IPO11: variants seen among roughly 807,000 people sequenced by gnomAD.
IPO11 encodes the protein importin-11.
IPO11 carries 66 observed loss-of-function variants against 143.2 expected under a neutral mutation model. The ratio of observed to expected loss-of-function variants is 0.46; its 90% confidence interval spans 0.38 to 0.57. The LOEUF (loss-of-function observed/expected upper bound fraction) is 0.57, where lower values mean the gene tolerates loss of function less well. Among genes scored for constraint, IPO11 ranks in the 20% least tolerant of loss-of-function variants. IPO11 has a pLI of 0.00. For synonymous variants in IPO11, 385 were observed against 377.8 expected (o/e 1.02, Z -0.22); for missense variants, 1,026 against 1,141.0 (o/e 0.90, Z 1.45).
intron 1 of IPO11, among the ~76,000 whole-genome samples, chr5:62,419,892 T>A (rs1414107238): frequency 6.6e-6 from 1 of 152,094 alleles, no homozygotes; most frequent in African/African-American, 2.4e-5. Flanking sequence ...TCTCAACTAT[T>A]CAGGAGGCTG....
intron 11 of IPO11, among the ~76,000 whole-genome samples, chr5:62,485,007 T>C (rs1370050437): frequency 6.6e-6 from 1 of 152,080 alleles, no homozygotes; most frequent in Non-Finnish European, 1.5e-5. Flanking sequence ...AGCCCTGAAG[T>C]ATTTTTCTTT....
At position 62,450,228 on chromosome 5, in the gene IPO11, G is replaced by A. The variant is rs115366405; in HGVS notation, c.312+229G>A. On this transcript the variant is annotated intron_variant, in intron 4 of 29. Coordinates refer to ENST00000325324, the MANE Select transcript of IPO11 (RefSeq NM_016338.5). ...AAGTCATTTTAAGGTATATTTGTAT[G>A]CTTTTCAGCTTTCTCATTTTATGAG... 9.1e-3 allele frequency among the ~76,000 whole-genome samples: 1,392 copies of A among 152,164 alleles called. 20 individuals are homozygous for A. The highest frequency in any genetic ancestry group is 0.032 in the African/African-American group (1,312 of 41,514).
intron 27 of IPO11, among the ~76,000 whole-genome samples, chr5:62,575,080 GTTTTTA>G (rs1451997145): frequency 1.3e-5 from 2 of 152,148 alleles, no homozygotes; most frequent in South Asian, 2.1e-4. Context: ...ATTTGTTTCT[GTTTTTA>G]TTTTAAAGCA....
chr5:62,612,087 T>C (rs1441227941), intron 29 of IPO11, among the ~76,000 whole-genome samples: 4 of 152,160 alleles, frequency 2.6e-5, no homozygotes, highest in Non-Finnish European at 5.9e-5. Flanking sequence ...CTTCCAAATA[T>C]TTTATATACA....
intron 1 of IPO11, among the ~76,000 whole-genome samples, chr5:62,432,014 T>C (rs1744008374): frequency 6.6e-6 from 1 of 152,120 alleles, no homozygotes; most frequent in Non-Finnish European, 1.5e-5. Context: ...CCCGTATGTT[T>C]TTTATACCAA....
chr5:62,420,261 A>G (rs906723849), intron 1 of IPO11, among the ~76,000 whole-genome samples: 5 of 150,562 alleles, frequency 3.3e-5, no homozygotes, highest in Admixed American at 6.6e-5. Context: ...ACTGCACTCC[A>G]GCCTGGGCAA....
intron 5 of IPO11, among the ~76,000 whole-genome samples, chr5:62,458,674 G>C (rs868054707): frequency 1.8e-4 from 27 of 152,316 alleles, no homozygotes; most frequent in Middle Eastern, 3.4e-3. Flanking sequence ...AACCTGTGGG[G>C]ATTTGAGCCT....
Position 62,483,241 on chromosome 5 carries a change from T to G in IPO11, c.969T>G (p.Leu323=). 1 of 1,607,296 alleles carries G rather than the reference T, an allele frequency of 6.2e-7. No homozygotes were observed. Among genetic ancestry groups the G allele is most frequent in the East Asian group, 2.2e-5 (1 of 44,612 alleles). Residue 323 remains leucine, a synonymous_variant, in exon 10 of 30, where the codon CTT becomes CTG. Transcript: ENST00000325324. The part of the protein sequence containing the change: ...FERFIVQCMN[L]IKMIVKNYAY... Reference sequence around the variant, plus strand: ...GATTCATTGTCCAATGTATGAATCTTATTAAGATGATTGTCAAAAATTATG... The same window carrying G: ...GATTCATTGTCCAATGTATGAATCTGATTAAGATGATTGTCAAAAATTATG...
At chr5:62,585,787 G>A (rs192754718) in intron 27 of IPO11, among the ~76,000 whole-genome samples, 13 of 152,242 alleles carry the variant, frequency 8.5e-5, no homozygotes, top group African/African-American at 3.1e-4. Context: ...AGTGTTAATA[G>A]TAGGAATATA....
chr5:62,419,059 T>C, intron 1 of IPO11: 1 of 1,551,296 alleles, frequency 6.4e-7, no homozygotes, highest in East Asian at 2.4e-5. Flanking sequence ...ATATAGCTTA[T>C]TGTATCTAGG....
At chr5:62,554,397 C>A (rs187742433) in intron 26 of IPO11, among the ~76,000 whole-genome samples, 1 of 152,132 alleles carries the variant, frequency 6.6e-6, no homozygotes, top group East Asian at 1.9e-4. Context: ...TTCTAGTAAT[C>A]TTATAGTTGT....
intron 27 of IPO11, among the ~76,000 whole-genome samples, chr5:62,586,325 T>C (rs1164326502): frequency 2.0e-5 from 3 of 152,186 alleles, no homozygotes; most frequent in Non-Finnish European, 4.4e-5. Flanking sequence ...AACTTTGACA[T>C]TGGTGTCTTC....
chr5:62,488,912 A>G (rs889035274), intron 13 of IPO11, among the ~76,000 whole-genome samples: 3 of 152,210 alleles, frequency 2.0e-5, no homozygotes, highest in African/African-American at 7.2e-5. Context: ...CTGAGGTTGG[A>G]GGATCATTTG....
In IPO11 at chr5:62,579,680, C is replaced by G. The variant is rs1436623481; in HGVS notation, c.2583-11897C>G. 6.5e-7 allele frequency: 1 copy of G among 1,546,948 alleles called. No individual in the cohort carries two copies. The highest frequency in any genetic ancestry group is 2.0e-5 in the Admixed American group (1 of 50,430). ...TCTTATATAAATGAAAGTGAATTAACAGGACTTCATTCTCTTGTAGCATTG... is the reference window on the plus strand; with the variant it reads ...TCTTATATAAATGAAAGTGAATTAAGAGGACTTCATTCTCTTGTAGCATTG... On this transcript the variant is annotated intron_variant, in intron 27 of 29. Coordinates refer to ENST00000325324, the MANE Select transcript of IPO11 (RefSeq NM_016338.5).
intron 28 of IPO11, among the ~76,000 whole-genome samples, chr5:62,599,685 C>G (rs1440515762): frequency 2.6e-5 from 4 of 152,094 alleles, no homozygotes; most frequent in African/African-American, 9.7e-5. Context: ...TGATTTCTGC[C>G]TTGAGTTTAG....
rs183423225 is a variant in IPO11, at chr5:62,547,813, A to G, written c.2251-2554A>G. On this transcript the variant is annotated intron_variant, in intron 24 of 29. Coordinates refer to ENST00000325324, the MANE Select transcript of IPO11 (RefSeq NM_016338.5). ...CCAGCCACAGCTATGTATTATTACT[A>G]TAAATTCTCTTCAAACCCTTTTGTT... Among the ~76,000 whole-genome samples the G allele has an allele frequency of 2.0e-4, 30 of 152,288 alleles. No homozygotes were observed. The East Asian group carries it at 3.9e-3, about 20-fold the overall frequency.
In IPO11 at chr5:62,570,560, A is replaced by G. The variant is rs1261817215; in HGVS notation, c.2582+9303A>G. ...TCACCATGCTGTGCACTGAGGGCAC[A>G]TTGTACTTCACCTTTAGGATAGATG... is the stretch of plus-strand genomic sequence containing the variant. On this transcript the variant is annotated intron_variant, in intron 27 of 29. Coordinates refer to ENST00000325324, the MANE Select transcript of IPO11 (RefSeq NM_016338.5). 3.9e-5 allele frequency among the ~76,000 whole-genome samples: 6 copies of G among 152,226 alleles called. No individual in the cohort carries two copies. In the South Asian group the frequency reaches 6.2e-4, roughly 16 times the overall value.
At chr5:62,418,788 C>T in intron 1 of IPO11, 1 of 410,368 alleles carries the variant, frequency 2.4e-6, no homozygotes, top group South Asian at 5.8e-5. Flanking sequence ...CACGTATTGT[C>T]TCCAAGTCTC....
chr5:62,419,189 G>T lies in IPO11; in HGVS notation c.-7+6260G>T, dbSNP rs980865939. 2.1e-5 allele frequency: 31 copies of T among 1,511,098 alleles called. No individual in the cohort carries two copies. The South Asian group carries it at 3.6e-4, about 18-fold the overall frequency. 93.6% of individuals were successfully genotyped at this position (1,511,098 alleles called of 1,614,324 possible). ...AAAGGTACTGTAAAAATACAGTGTA[G>T]AAGTAAAAAATGGTACATCTGTACA... On this transcript the variant is annotated intron_variant, in intron 1 of 29. Transcript: ENST00000325324.
Sources: gnomAD v4.1 joint callset for allele counts (sites outside exome capture counted in the v4.1 genomes callset) on GRCh38, gnomAD v4.1.1 for gene constraint, MANE v1.5 for transcripts, NCBI Gene and HGNC (gene_info 2026-07-23, HGNC 2026-07-21) for gene names.